The following SLC12A7 variants were observed in gnomAD, a reference collection of about 807,000 sequenced individuals.
SLC12A7 encodes the protein solute carrier family 12 member 7, also known as K-Cl cotransporter 4.
SLC12A7 carries 100 observed loss-of-function variants against 120.6 expected under a neutral mutation model. The ratio of observed to expected loss-of-function variants is 0.83; its 90% CI spans 0.71 to 0.98. The LOEUF (loss-of-function observed/expected upper bound fraction) is 0.98, where lower values mean the gene tolerates loss of function less well. Among genes scored for constraint, SLC12A7 ranks in the 50% least tolerant of loss-of-function variants. The pLI, the probability that SLC12A7 is intolerant of heterozygous loss-of-function variation, is 0.00. For missense variants in SLC12A7, 1,373 were observed against 1,548.1 expected, an observed-to-expected ratio of 0.89 and a Z score of 1.90; for synonymous variants, 760 against 678.0, an observed-to-expected ratio of 1.12 and a Z score of -1.88.
At chr5:1,077,791 C>G (rs1347843658) in intron 12 of SLC12A7, 42 bp downstream of exon 12, 2 of 1,522,836 alleles carry the variant, frequency 1.3e-6, no homozygotes, top group Admixed American at 2.1e-5. Flanking sequence ...AGCCCCCGAC[C>G]CTGACCTTCC....
At position 1,089,110 on chromosome 5, in the gene SLC12A7, A is replaced by G. The variant is rs772784079; in HGVS notation, c.361T>C (p.Phe121Leu). 6.2e-7 allele frequency: 1 copy of G among 1,612,776 alleles called. No individual in the cohort carries two copies. The highest frequency in any genetic ancestry group is 8.5e-7 in the Non-Finnish European group (1 of 1,179,966). Residue 121 changes from phenylalanine to leucine, a missense_variant, in exon 4 of 24, where the codon TTC becomes CTC. Physicochemically the swap from Phe to Leu is conservative, Grantham distance 22. Coordinates refer to ENST00000264930, the MANE Select transcript of SLC12A7 (RefSeq NM_006598.3). ...REAKAPRMGT[F>L]IGVYLPCLQN... ...AGGCACGGCAGGTAGACGCCGATGA[A>G]GGTGCCCATGCGCGGAGCCTGCGAC...
chr5:1,094,948 G>C (rs1740943790), intron 1 of SLC12A7, among the ~76,000 whole-genome samples: 1 of 149,532 alleles, frequency 6.7e-6, no homozygotes, highest in African/African-American at 2.4e-5. Context: ...AGGAGGACTT[G>C]AGGCTCCCTG....
At chr5:1,108,401 C>A (rs1004720185) in intron 1 of SLC12A7, among the ~76,000 whole-genome samples, 28 of 152,312 alleles carry the variant, frequency 1.8e-4, no homozygotes, top group Middle Eastern at 6.8e-3. Flanking sequence ...TGTCTTGTAG[C>A]CTCCCTGCCT....
At chr5:1,076,274 G>GC (rs1185762025) in intron 13 of SLC12A7, 38 bp from the exon 14 acceptor site, 2 of 1,519,120 alleles carry the variant, frequency 1.3e-6, no homozygotes, top group African/African-American at 1.4e-5. Flanking sequence ...GGCCCACTGG[G>GC]CCCCCCTGAG....
intron 17 of SLC12A7, among the ~76,000 whole-genome samples, chr5:1,069,504 G>T (rs1737415977): frequency 6.6e-6 from 1 of 152,224 alleles, no homozygotes; most frequent in Non-Finnish European, 1.5e-5. Flanking sequence ...AGGACAGAGG[G>T]GGCACCCGCA....
intron 13 of SLC12A7, among the ~76,000 whole-genome samples, chr5:1,076,448 G>A (rs891134055): frequency 1.0e-4 from 6 of 59,128 alleles, no homozygotes; most frequent in African/African-American, 3.4e-4. Context: ...TCAAGAGATG[G>A]GCCATCGTCC....
intron 21 of SLC12A7, 125 bp downstream of exon 21, chr5:1,060,219 C>T (rs547427165): frequency 8.4e-5 from 61 of 723,454 alleles, no homozygotes; most frequent in African/African-American, 5.6e-4. Flanking sequence ...GAGCCTGCGA[C>T]GCAGTACCTG....
At chr5:1,067,410 C>T (rs1737173984) in intron 17 of SLC12A7, among the ~76,000 whole-genome samples, 1 of 151,166 alleles carries the variant, frequency 6.6e-6, no homozygotes, top group Non-Finnish European at 1.5e-5. Flanking sequence ...GGAAGTGTGG[C>T]TATTTCAGCA....
chr5:1,057,499 C>T lies in SLC12A7; in HGVS notation c.2998G>A (p.Gly1000Ser), dbSNP rs771276887. The change falls in exon 22 of 24, where the codon GGT (glycine) becomes AGT (serine). Residue 1000 changes from glycine (G) to serine (S), a missense_variant. Coordinates refer to ENST00000264930, the MANE Select transcript of SLC12A7 (RefSeq NM_006598.3). ...KYRSRDTSLSGFKDLFSMKPD... is the reference protein window; with the variant it reads ...KYRSRDTSLSSFKDLFSMKPD... ...TTCATGCTGAAGAGGTCTTTGAAAC[C>T]AGATAGGCTGGTGTCTCTGCTCCTG... 5.6e-6 allele frequency: 9 copies of T among 1,612,896 alleles called. No individual in the cohort carries two copies. The highest frequency in any genetic ancestry group is 3.3e-5 in the South Asian group (3 of 91,028).
At chr5:1,062,815 C>G (rs1415038429) in intron 20 of SLC12A7, 1 of 154,456 alleles carries the variant, frequency 6.5e-6, no homozygotes, top group Admixed American at 6.5e-5. Flanking sequence ...AGCTTTATGT[C>G]TTCCCAGCAC....
the SLC12A7 span, among the ~76,000 whole-genome samples, chr5:1,122,500 A>G: frequency 6.6e-6 from 1 of 152,266 alleles, no homozygotes. Flanking sequence ...AAAATAATAC[A>G]TAAAATTGCC....
intron 3 of SLC12A7, among the ~76,000 whole-genome samples, chr5:1,091,404 C>G (rs1740482370): frequency 1.3e-5 from 2 of 152,234 alleles, no homozygotes; most frequent in African/African-American, 4.8e-5. Flanking sequence ...GTGCCTGAGC[C>G]CAGCCGAGCT....
chr5:1,082,089 T>C (rs13163933), intron 8 of SLC12A7, among the ~76,000 whole-genome samples: 2 of 62,224 alleles, frequency 3.2e-5, no homozygotes, highest in African/African-American at 1.2e-4. Context: ...CTGGAAAGCC[T>C]GGGCTTCCTC....
intron 6 of SLC12A7, 112 bp downstream of exon 6, chr5:1,086,791 G>A (rs1739905528): frequency 1.4e-6 from 2 of 1,409,526 alleles, no homozygotes; most frequent in Non-Finnish European, 1.9e-6. Flanking sequence ...CCAGGGCAGT[G>A]GGGTCAGGAT....
In SLC12A7 at chr5:1,052,146, C is replaced by T. The variant is rs1735103176; in HGVS notation, c.*214G>A. On this transcript the variant is annotated 3_prime_UTR_variant, in exon 24 of 24. Coordinates refer to ENST00000264930, the MANE Select transcript of SLC12A7 (RefSeq NM_006598.3). The stretch of plus-strand genomic sequence containing the variant: ...TGCCCTCAGATGCAAGGAAATCGTC[C>T]AGCCACGCCCTGATTTGCTGAGCCT... The T allele has an allele frequency of 6.9e-6, 4 of 579,292 alleles. No individual in the cohort carries two copies. The highest frequency in any genetic ancestry group is 6.2e-5 in the Admixed American group (2 of 32,262). 35.9% of individuals were successfully genotyped at this position (579,292 alleles called of 1,614,324 possible).
intron 20 of SLC12A7, among the ~76,000 whole-genome samples, chr5:1,061,498 A>T (rs1481789508): frequency 7.1e-5 from 6 of 84,918 alleles, no homozygotes; most frequent in African/African-American, 2.6e-4. Context: ...GGGATCCCTG[A>T]GTCTCACCCG....
intron 3 of SLC12A7, among the ~76,000 whole-genome samples, chr5:1,090,626 C>T (rs375730360): frequency 6.6e-6 from 1 of 152,166 alleles, no homozygotes; most frequent in Admixed American, 6.5e-5. Flanking sequence ...GACTTCCCAG[C>T]GAGGCTTCAG....
chr5:1,095,206 C>T (rs937124539), intron 1 of SLC12A7, among the ~76,000 whole-genome samples: 8 of 152,196 alleles, frequency 5.3e-5, no homozygotes, highest in African/African-American at 1.9e-4. Flanking sequence ...CCCAAACCTG[C>T]CCAGGCCTTG....
rs1734958364 is a variant in SLC12A7, at chr5:1,050,794, C to T, written c.*1566G>A. The stretch of plus-strand genomic sequence containing the variant: ...AGGCTGTGGGAACTGCTGAGCCCCG[C>T]TGTGATGTCTGGGACACGCTCTGGG... On this transcript the variant is annotated 3_prime_UTR_variant, in exon 24 of 24. Transcript: ENST00000264930. 5.0e-6 allele frequency: 2 copies of T among 398,420 alleles called. No homozygotes were observed. The highest frequency in any genetic ancestry group is 2.1e-5 in the African/African-American group (1 of 48,640). 24.7% of individuals were successfully genotyped at this position (398,420 alleles called of 1,614,324 possible).
Sources: allele counts gnomAD v4.1 joint callset (sites outside exome capture counted in the v4.1 genomes callset), GRCh38; gene constraint gnomAD v4.1.1; transcripts MANE v1.5; gene names NCBI Gene and HGNC (gene_info 2026-07-23, HGNC 2026-07-21).